Variants in DLGAP2 observed in about 807,000 individuals in gnomAD.
DLGAP2 encodes DLG associated protein 2.
In DLGAP2, 26 loss-of-function variants were observed where a neutral mutation model predicts 100.3. That is an observed-to-expected ratio of 0.26 (90% CI 0.19 to 0.36). The LOEUF (loss-of-function observed/expected upper bound fraction) is 0.36. Among genes scored for constraint, DLGAP2 ranks in the 10% least tolerant of loss-of-function variants. The pLI is 1.00. For synonymous variants in DLGAP2, 886 were observed against 630.1 expected (o/e 1.41, Z -6.08); for missense variants, 1,858 against 1,453.2 (o/e 1.28, Z -4.53).
intron 8 of DLGAP2, among the ~76,000 whole-genome samples, chr8:1,661,625 A>G (rs928350983): frequency 2.0e-5 from 3 of 152,204 alleles, no homozygotes; most frequent in African/African-American, 7.2e-5. Context: ...CAGGAAGCAG[A>G]TGATGGGTTG....
chr8:1,241,285 C>T (rs1369031880), intron 2 of DLGAP2, among the ~76,000 whole-genome samples: 3 of 146,502 alleles, frequency 2.0e-5, no homozygotes, highest in Admixed American at 6.8e-5. Context: ...CTCCGTGTCT[C>T]ATTCTCTCAC....
In DLGAP2 at chr8:762,726, G is replaced by C. The variant is rs553124291; in HGVS notation, c.18+24901G>C. The stretch of plus-strand genomic sequence containing the variant: ...TCACTCTAGCCCAGGCTGGAGTGCG[G>C]TGGCACAGTCACCACAATCACAGCT... On this transcript the variant is annotated intron_variant, in intron 1 of 14. Coordinates refer to ENST00000637795, the MANE Select transcript of DLGAP2 (RefSeq NM_001346810.2). 2.6e-5 allele frequency among the ~76,000 whole-genome samples: 4 copies of C among 152,046 alleles called. No homozygotes were observed. In the South Asian group the frequency reaches 6.3e-4, roughly 24 times the overall value.
intron 1 of DLGAP2, among the ~76,000 whole-genome samples, chr8:766,762 A>C (rs1026123786): frequency 1.1e-4 from 17 of 152,224 alleles, no homozygotes; most frequent in African/African-American, 4.1e-4. Flanking sequence ...CAACACTGCC[A>C]GCGTCAGACA....
At chr8:1,416,967 G>A (rs539154860) in intron 3 of DLGAP2, among the ~76,000 whole-genome samples, 2 of 152,150 alleles carry the variant, frequency 1.3e-5, no homozygotes, top group African/African-American at 4.8e-5. Context: ...AGCTCAGTGC[G>A]GCTGTGGCAT....
At chr8:936,222 G>C (rs1453629943) in intron 2 of DLGAP2, among the ~76,000 whole-genome samples, 1 of 152,172 alleles carries the variant, frequency 6.6e-6, no homozygotes, top group African/African-American at 2.4e-5. Flanking sequence ...GCAGAGCCTA[G>C]AGGGCCAGAG....
At chr8:1,695,902 G>C (rs748924745) in intron 13 of DLGAP2, among the ~76,000 whole-genome samples, 1 of 152,208 alleles carries the variant, frequency 6.6e-6, no homozygotes, top group South Asian at 2.1e-4. Flanking sequence ...CGCTGGCCAG[G>C]GCCGCCCTCC....
chr8:1,053,878 C>T (rs1209064111), intron 2 of DLGAP2, among the ~76,000 whole-genome samples: 1 of 152,178 alleles, frequency 6.6e-6, no homozygotes, highest in Non-Finnish European at 1.5e-5. Context: ...ACCTTTTCTG[C>T]AGTGCTTTTA....
In DLGAP2 at chr8:1,028,019, C is replaced by T. The variant is rs866311368; in HGVS notation, c.73+120053C>T. ...ATTCTCCAGGAGCAGTGCCAGGTGC[C>T]GGTTACTCTCCAGGTAGGGTGCTCG... is the stretch of plus-strand genomic sequence containing the variant. On this transcript the variant is annotated intron_variant, in intron 2 of 14. Transcript: ENST00000637795. Among the ~76,000 whole-genome samples, 5 of 142,740 alleles carry T rather than the reference C, an allele frequency of 3.5e-5. 1 individual carries two copies. Among genetic ancestry groups the T allele is most frequent in the African/African-American group, 7.9e-5 (3 of 37,876 alleles). The allele number at this position is 142,740 out of a possible 152,430, so 93.6% of individuals were successfully genotyped here. A position where few individuals can be genotyped will look rare whatever the true frequency, so the allele number is the denominator to read the frequency against.
chr8:1,113,503 C>T (rs1805024006), intron 2 of DLGAP2, among the ~76,000 whole-genome samples: 1 of 152,092 alleles, frequency 6.6e-6, no homozygotes, highest in Non-Finnish European at 1.5e-5. Flanking sequence ...CTCAGCTTGG[C>T]TGTTTTTGGT....
At chr8:1,436,067 G>T (rs1195453874) in intron 3 of DLGAP2, among the ~76,000 whole-genome samples, 2 of 152,056 alleles carry the variant, frequency 1.3e-5, no homozygotes, top group Non-Finnish European at 2.9e-5. Flanking sequence ...TTCTCTAGAG[G>T]GACAGGACTA....
At chr8:766,259 A>G (rs1393230633) in intron 1 of DLGAP2, among the ~76,000 whole-genome samples, 2 of 152,078 alleles carry the variant, frequency 1.3e-5, no homozygotes, top group Non-Finnish European at 2.9e-5. Flanking sequence ...ATGCACACAC[A>G]CCCTAGGTGT....
intron 4 of DLGAP2, among the ~76,000 whole-genome samples, chr8:1,515,835 C>T (rs17755148): frequency 6.6e-6 from 1 of 152,222 alleles, no homozygotes; most frequent in African/African-American, 2.4e-5. Context: ...TCCCTCTGTA[C>T]TGTGCTATGG....
intron 10 of DLGAP2, among the ~76,000 whole-genome samples, chr8:1,673,589 G>C (rs7834457): frequency 0.42 from 63,548 of 152,052 alleles, 16,541 homozygotes; most frequent in African/African-American, 0.72. Context: ...CACTATTCAC[G>C]TGACCGTCCT....
At chr8:1,199,065 G>T (rs1196446310) in intron 2 of DLGAP2, among the ~76,000 whole-genome samples, 2 of 152,246 alleles carry the variant, frequency 1.3e-5, no homozygotes, top group East Asian at 3.8e-4. Flanking sequence ...CTTCCAGACT[G>T]CTCAGTTTAG....
chr8:770,477 G>A (rs904384608), intron 1 of DLGAP2, among the ~76,000 whole-genome samples: 17 of 152,136 alleles, frequency 1.1e-4, no homozygotes, highest in Admixed American at 1.0e-3. Context: ...GAAGATACAT[G>A]TTGTTCACTG....
chr8:1,675,206 C>T (rs1209557159), intron 10 of DLGAP2, among the ~76,000 whole-genome samples: 2 of 152,228 alleles, frequency 1.3e-5, no homozygotes, highest in African/African-American at 4.8e-5. Context: ...CCTGGATCCA[C>T]GGCGGCGGCC....
intron 3 of DLGAP2, among the ~76,000 whole-genome samples, chr8:1,468,189 C>G (rs1798677862): frequency 6.6e-6 from 1 of 152,264 alleles, no homozygotes; most frequent in East Asian, 1.9e-4. Flanking sequence ...CCCCAGTTCA[C>G]ACAGCGTGGA....
At chr8:1,446,689 G>A (rs565218267) in intron 3 of DLGAP2, among the ~76,000 whole-genome samples, 63 of 152,280 alleles carry the variant, frequency 4.1e-4, no homozygotes, top group African/African-American at 1.4e-3. Flanking sequence ...GGGCAGTATG[G>A]CCATTTTCAC....
intron 2 of DLGAP2, among the ~76,000 whole-genome samples, chr8:974,043 CAT>C (rs1192105735): frequency 1.3e-5 from 2 of 151,834 alleles, no homozygotes; most frequent in African/African-American, 4.8e-5. Context: ...AAAGAAGTAA[CAT>C]ATGTGGAATG....
Sources: gnomAD v4.1 joint callset for allele counts (sites outside exome capture counted in the v4.1 genomes callset) on GRCh38, gnomAD v4.1.1 for gene constraint, MANE v1.5 for transcripts, NCBI Gene and HGNC (gene_info 2026-07-23, HGNC 2026-07-21) for gene names.